Variants in KCTD8 observed in about 807,000 individuals in gnomAD.
The protein encoded by KCTD8 is potassium channel tetramerization domain containing 8.
KCTD8 carries 27 observed loss-of-function variants against 31.5 expected under a neutral mutation model. The observed-to-expected ratio is 0.86, with a 90% confidence interval of 0.63 to 1.18. The LOEUF (loss-of-function observed/expected upper bound fraction) is 1.18, where lower values mean the gene tolerates loss of function less well. KCTD8 is among the 50% of genes most tolerant of loss of function. KCTD8 has a pLI of 0.00. For synonymous variants in KCTD8, 290 were observed against 280.0 expected, an observed-to-expected ratio of 1.04 and a Z score of -0.36; for missense variants, 658 against 647.7, an observed-to-expected ratio of 1.02 and a Z score of -0.17.
intron 1 of KCTD8, among the ~76,000 whole-genome samples, chr4:44,273,975 G>T (rs939678784): frequency 6.6e-6 from 1 of 151,804 alleles, no homozygotes; most frequent in Non-Finnish European, 1.5e-5. Context: ...ACTGTTGTTT[G>T]AAATCATGTA....
intron 1 of KCTD8, among the ~76,000 whole-genome samples, chr4:44,321,987 T>G (rs1185423792): frequency 6.6e-6 from 1 of 152,074 alleles, no homozygotes; most frequent in East Asian, 1.9e-4. Flanking sequence ...ACATTTTCTT[T>G]GTCCATTCAT....
At chr4:44,317,080 A>G (rs1376123736) in intron 1 of KCTD8, among the ~76,000 whole-genome samples, 1 of 151,362 alleles carries the variant, frequency 6.6e-6, no homozygotes, top group Non-Finnish European at 1.5e-5. Flanking sequence ...GCACAGAAGG[A>G]ATCATTTTAC....
At chr4:44,372,291 T>C (rs1194105042) in intron 1 of KCTD8, among the ~76,000 whole-genome samples, 1 of 152,304 alleles carries the variant, frequency 6.6e-6, no homozygotes, top group Non-Finnish European at 1.5e-5. Flanking sequence ...ATCAGACTAA[T>C]GTAATACAGT....
chr4:44,336,703 G>T (rs982300228), intron 1 of KCTD8, among the ~76,000 whole-genome samples: 6 of 151,958 alleles, frequency 3.9e-5, no homozygotes, highest in Non-Finnish European at 7.4e-5. Context: ...ACTTTTCTCT[G>T]TACCAGTAAC....
chr4:44,294,037 G>GA (rs1233075919), intron 1 of KCTD8, among the ~76,000 whole-genome samples: 4 of 152,072 alleles, frequency 2.6e-5, no homozygotes, highest in African/African-American at 9.7e-5. Flanking sequence ...CAAAGGATAG[G>GA]AAAAGGATAA....
chr4:44,331,180 T>C (rs905382719), intron 1 of KCTD8, among the ~76,000 whole-genome samples: 4 of 151,874 alleles, frequency 2.6e-5, no homozygotes, highest in East Asian at 1.9e-4. Flanking sequence ...AAGCTGTCTT[T>C]TCCTTCTCAG....
chr4:44,354,149 T>G (rs1719285021), intron 1 of KCTD8, among the ~76,000 whole-genome samples: 1 of 152,188 alleles, frequency 6.6e-6, no homozygotes, highest in Admixed American at 6.6e-5. Flanking sequence ...CAAATGAAAC[T>G]TATTACTCTT....
At chr4:44,321,032 C>G (rs1385663414) in intron 1 of KCTD8, among the ~76,000 whole-genome samples, 2 of 152,170 alleles carry the variant, frequency 1.3e-5, no homozygotes, top group African/African-American at 4.8e-5. Context: ...GAATCTGTCC[C>G]TTGTAATGCT....
intron 1 of KCTD8, among the ~76,000 whole-genome samples, chr4:44,282,600 G>A (rs371767537): frequency 7.9e-5 from 12 of 152,210 alleles, no homozygotes; most frequent in Admixed American, 2.6e-4. Flanking sequence ...GCCAAAATCT[G>A]AACCTCTTGC....
At chr4:44,306,119 A>C (rs1256584569) in intron 1 of KCTD8, among the ~76,000 whole-genome samples, 1 of 151,996 alleles carries the variant, frequency 6.6e-6, no homozygotes, top group Non-Finnish European at 1.5e-5. Flanking sequence ...TTAGGTAGAC[A>C]ATGACACAAG....
intron 1 of KCTD8, among the ~76,000 whole-genome samples, chr4:44,441,330 A>G (rs541186589): frequency 2.0e-5 from 3 of 152,270 alleles, no homozygotes; most frequent in Admixed American, 6.5e-5. Context: ...AAAGTGTTAA[A>G]TGGACTCAAA....
At chr4:44,444,921 A>G (rs1721903871) in intron 1 of KCTD8, among the ~76,000 whole-genome samples, 1 of 152,142 alleles carries the variant, frequency 6.6e-6, no homozygotes, top group Non-Finnish European at 1.5e-5. Flanking sequence ...CACTAAATAA[A>G]TGTCACACAA....
At chr4:44,348,006 T>C (rs973866873) in intron 1 of KCTD8, among the ~76,000 whole-genome samples, 2 of 152,168 alleles carry the variant, frequency 1.3e-5, no homozygotes, top group African/African-American at 4.8e-5. Context: ...AACTGTTCTC[T>C]AAATACACAC....
chr4:44,243,093 T>A (rs1359755237), intron 1 of KCTD8, among the ~76,000 whole-genome samples: 1 of 152,132 alleles, frequency 6.6e-6, no homozygotes, highest in East Asian at 1.9e-4. Context: ...AGAGAAAAAA[T>A]AATATATGAA....
intron 1 of KCTD8, among the ~76,000 whole-genome samples, chr4:44,249,186 C>T (rs530943210): frequency 9.2e-5 from 14 of 151,662 alleles, no homozygotes; most frequent in South Asian, 2.1e-4. Context: ...AAGTAAGAAA[C>T]GAAATCCTCA....
chr4:44,303,619 C>G (rs1717706744), intron 1 of KCTD8, among the ~76,000 whole-genome samples: 1 of 151,866 alleles, frequency 6.6e-6, no homozygotes, highest in South Asian at 2.1e-4. Flanking sequence ...AGTTCAAGAC[C>G]AGCCTGGGCA....
rs1308052227 is a variant in KCTD8 at position 44,299,779 on chromosome 4, T to C, written c.962-124529A>G. On this transcript the variant is annotated intron_variant, in intron 1 of 1. Transcript: ENST00000360029. ...GATTTTTTTTTTCCTTTTCTTTTTT[T>C]TTTTTTGGAGACGGAGTCTCACTCT... Among the ~76,000 whole-genome samples, 5 of 150,864 alleles carry C rather than the reference T, an allele frequency of 3.3e-5. No individual in the cohort carries two copies. The East Asian group carries it at 9.8e-4, about 30-fold the overall frequency.
At chr4:44,264,458 C>T (rs890313712) in intron 1 of KCTD8, among the ~76,000 whole-genome samples, 2 of 152,136 alleles carry the variant, frequency 1.3e-5, no homozygotes, top group Non-Finnish European at 2.9e-5. Context: ...AGAAGGCAAC[C>T]TAAGAAGACA....
intron 1 of KCTD8, among the ~76,000 whole-genome samples, chr4:44,342,476 C>T (rs1280811315): frequency 2.6e-5 from 4 of 152,058 alleles, no homozygotes; most frequent in African/African-American, 9.7e-5. Flanking sequence ...TGCTCTCATC[C>T]AGGCTTTGTT....
Sources: gnomAD v4.1 joint callset for allele counts (sites outside exome capture counted in the v4.1 genomes callset) on GRCh38, gnomAD v4.1.1 for gene constraint, MANE v1.5 for transcripts, NCBI Gene and HGNC (gene_info 2026-07-23, HGNC 2026-07-21) for gene names.